ATP2B4: variants seen among roughly 807,000 people sequenced by gnomAD.
ATP2B4 encodes the protein ATPase plasma membrane Ca2+ transporting 4.
In ATP2B4, 39 loss-of-function variants were observed where a neutral mutation model predicts 110.3. The observed-to-expected ratio is 0.35, with a 90% CI of 0.27 to 0.46. The LOEUF (loss-of-function observed/expected upper bound fraction) is 0.46. Ranked by LOEUF, ATP2B4 falls within the 20% of genes least tolerant of loss-of-function variation. ATP2B4 has a pLI of 1.00. For missense variants in ATP2B4, 1,135 were observed against 1,530.9 expected (o/e 0.74, Z 4.32); for synonymous variants, 538 against 571.7 (o/e 0.94, Z 0.84).
At chr1:203,668,602 C>G (rs1180443807) in intron 1 of ATP2B4, among the ~76,000 whole-genome samples, 1 of 152,186 alleles carries the variant, frequency 6.6e-6, no homozygotes, top group Non-Finnish European at 1.5e-5. Context: ...GGGGAGAATG[C>G]AGATTGGCTC....
chr1:203,721,069 C>T (rs1282987920), intron 16 of ATP2B4, 128 bp from the exon 17 acceptor site: 11 of 976,152 alleles, frequency 1.1e-5, no homozygotes, highest in African/African-American at 8.2e-5. Context: ...GTAGCTTTCT[C>T]ACAGTCACTC....
chr1:203,720,943 C>T (rs573263005), intron 16 of ATP2B4, among the ~76,000 whole-genome samples: 1 of 152,320 alleles, frequency 6.6e-6, no homozygotes, highest in Non-Finnish European at 1.5e-5. Context: ...ACTTATGTGT[C>T]AGCCACTGTA....
At chr1:203,648,083 A>G (rs1430286606) in intron 1 of ATP2B4, among the ~76,000 whole-genome samples, 1 of 152,118 alleles carries the variant, frequency 6.6e-6, no homozygotes, top group African/African-American at 2.4e-5. Flanking sequence ...GAACACCCTA[A>G]ATAAAGCCCC....
chr1:203,707,832 C>G lies in ATP2B4; in HGVS notation c.1315-30C>G, dbSNP rs557060111. The G allele has an allele frequency of 3.1e-6, 5 of 1,609,662 alleles. No individual in the cohort carries two copies. In the East Asian group the frequency reaches 1.1e-4, roughly 36 times the overall value. On this transcript the variant is annotated intron_variant, in intron 9 of 20. Coordinates refer to ENST00000357681, the MANE Select transcript of ATP2B4 (RefSeq NM_001684.5). ...ATTTAGGAGAGTCCAGTTAGTCCCC[C>G]TCTCAAGTCTTTTCTCTTCTCCTTT...
chr1:203,650,744 C>A (rs1022022295), intron 1 of ATP2B4, among the ~76,000 whole-genome samples: 4 of 152,218 alleles, frequency 2.6e-5, no homozygotes, highest in Non-Finnish European at 5.9e-5. Context: ...TGCGGAAGTC[C>A]CGCACAGGGC....
chr1:203,637,287 C>T (rs931750689), intron 1 of ATP2B4, among the ~76,000 whole-genome samples: 11 of 151,958 alleles, frequency 7.2e-5, no homozygotes, highest in Non-Finnish European at 1.3e-4. Context: ...AAAAATTAGC[C>T]GGGCGAGGTG....
intron 1 of ATP2B4, among the ~76,000 whole-genome samples, chr1:203,649,119 C>T (rs1295922928): frequency 6.6e-6 from 1 of 152,112 alleles, no homozygotes; most frequent in Non-Finnish European, 1.5e-5. Flanking sequence ...GGGAAAGTCC[C>T]TCCTTACTCC....
In ATP2B4 at chr1:203,661,219, T is replaced by C. The variant is rs766003501; in HGVS notation, c.-464-21523T>C. ...TCTGCACCATACTTTAAGAGGTGAA[T>C]GATCACTGAGAAAGAGAGCTCTCAT... On this transcript the variant is annotated intron_variant, in intron 1 of 20. Transcript: ENST00000357681. Among the ~76,000 whole-genome samples, 80 of 152,194 alleles carry C rather than the reference T, an allele frequency of 5.3e-4. 2 individuals are homozygous for C. The highest frequency in any genetic ancestry group is 2.0e-4 in the Admixed American group (3 of 15,284).
At position 203,709,401 on chromosome 1, in the gene ATP2B4, T is replaced by A; in HGVS notation, c.1658T>A (p.Val553Glu). 7 of 1,614,204 alleles carry A rather than the reference T, an allele frequency of 4.3e-6. No homozygotes were observed. The highest frequency in any genetic ancestry group is 5.9e-6 in the Non-Finnish European group (7 of 1,180,038). The change falls in exon 11 of 21, where the codon GTG (valine) becomes GAG (glutamate). Residue 553 changes from valine (V) to glutamate (E), a missense_variant. This residue lies in a region of ATP2B4 where 368 missense variants were observed against 455.9 expected (regional missense o/e 0.81). Transcript: ENST00000357681. ...GATCTGAAGCAGGATTATCAGGCTG[T>A]GCGTAATGAAGTGCCCGAGGAGAAG... ...VTDLKQDYQAVRNEVPEEKLY... is the reference protein window; with the variant it reads ...VTDLKQDYQAERNEVPEEKLY...
At chr1:203,713,321 C>A in intron 14 of ATP2B4, 69 bp downstream of exon 14, 1 of 1,575,966 alleles carries the variant, frequency 6.3e-7, no homozygotes, top group Non-Finnish European at 8.7e-7. Context: ...AGATAAGAAC[C>A]ACCAGCCAAA....
At chr1:203,644,249 TAAAA>T (rs3066210) in intron 1 of ATP2B4, among the ~76,000 whole-genome samples, 18 of 109,958 alleles carry the variant, frequency 1.6e-4, no homozygotes, top group East Asian at 9.7e-4. Flanking sequence ...GACTCCATCT[TAAAA>T]AAAAAAAAAA....
At position 203,700,815 on chromosome 1, in the gene ATP2B4, G is replaced by T; in HGVS notation, c.793G>T (p.Gly265Cys). The stretch of plus-strand genomic sequence containing the variant: ...CCGTGTAGGGACCCATGTCATGGAA[G>T]GTTCTGGCCGGATGGTGGTGACAGC... ...MLLSGTHVMEGSGRMVVTAVG... is the reference protein window; with the variant it reads ...MLLSGTHVMECSGRMVVTAVG... Residue 265 changes from glycine (G) to cysteine (C), a missense_variant, in exon 6 of 21, where the codon GGT becomes TGT. Around this residue, in one of 9 missense-constraint regions of ATP2B4, gnomAD observed 162 missense variants for 210.5 expected, o/e 0.77. Transcript: ENST00000357681. 6.2e-7 allele frequency: 1 copy of T among 1,613,182 alleles called. No homozygotes were observed. The highest frequency in any genetic ancestry group is 8.5e-7 in the Non-Finnish European group (1 of 1,179,572).
chr1:203,702,130 C>A, intron 7 of ATP2B4, 51 bp downstream of exon 7: 1 of 1,597,088 alleles, frequency 6.3e-7, no homozygotes, highest in Non-Finnish European at 8.6e-7. Flanking sequence ...ACACTCAAAC[C>A]AGACCTTTCC....
At chr1:203,702,923 C>G (rs1571740762) in intron 7 of ATP2B4, among the ~76,000 whole-genome samples, 1 of 152,204 alleles carries the variant, frequency 6.6e-6, no homozygotes, top group East Asian at 1.9e-4. Context: ...GTCTTTAACT[C>G]TTCTTTTAAA....
intron 1 of ATP2B4, among the ~76,000 whole-genome samples, chr1:203,634,262 A>G (rs1156649487): frequency 6.6e-6 from 1 of 152,190 alleles, no homozygotes. Context: ...TACATTAACT[A>G]TAGTCACCAT....
intron 2 of ATP2B4, among the ~76,000 whole-genome samples, chr1:203,692,379 G>A (rs1373340209): frequency 2.0e-5 from 3 of 151,930 alleles, no homozygotes; most frequent in Non-Finnish European, 2.9e-5. Flanking sequence ...GAATCTTTCC[G>A]TATTGCCCCG....
intron 2 of ATP2B4, among the ~76,000 whole-genome samples, chr1:203,694,291 A>G (rs1419821365): frequency 6.6e-6 from 1 of 152,254 alleles, no homozygotes; most frequent in African/African-American, 2.4e-5. Flanking sequence ...GGAGGTGGAC[A>G]AACAATAAAT....
At chr1:203,698,999 C>T (rs1231719200) in intron 3 of ATP2B4, among the ~76,000 whole-genome samples, 2 of 152,016 alleles carry the variant, frequency 1.3e-5, no homozygotes, top group Admixed American at 6.6e-5. Flanking sequence ...GGTCTCAAAC[C>T]CCTGGGGTCA....
At chr1:203,660,545 T>C (rs1664307022) in intron 1 of ATP2B4, among the ~76,000 whole-genome samples, 1 of 152,140 alleles carries the variant, frequency 6.6e-6, no homozygotes, top group South Asian at 2.1e-4. Context: ...CTCACGCCTG[T>C]AATTCCAGCA....
Sources: allele counts gnomAD v4.1 joint callset (sites outside exome capture counted in the v4.1 genomes callset), GRCh38; gene constraint gnomAD v4.1.1; regional missense constraint gnomAD v4.1.1; transcripts MANE v1.5; gene names NCBI Gene and HGNC (gene_info 2026-07-23, HGNC 2026-07-21).